VPS13B: variants seen among roughly 807,000 people sequenced by gnomAD.
VPS13B encodes vacuolar protein sorting 13 homolog B.
A neutral mutation model predicts 426.4 loss-of-function variants in VPS13B; 285 were observed. The observed-to-expected ratio is 0.67, with a 90% CI of 0.61 to 0.74. The LOEUF is 0.74. Ranked by LOEUF, VPS13B falls within the 30% of genes least tolerant of loss-of-function variation. The pLI is 0.00. For synonymous variants in VPS13B, 1,676 were observed against 1,676.4 expected (o/e 1.00, Z 0.01); for missense variants, 4,537 against 4,782.6 (o/e 0.95, Z 1.51).
chr8:99,578,834 A>G (rs74910682), intron 33 of VPS13B, among the ~76,000 whole-genome samples: 136 of 152,314 alleles, frequency 8.9e-4, no homozygotes, highest in Non-Finnish European at 1.1e-3. Flanking sequence ...TAGGATTCAC[A>G]TAACTTAGCA....
chr8:99,451,968 T>C (rs1688020199), intron 23 of VPS13B, among the ~76,000 whole-genome samples: 1 of 152,196 alleles, frequency 6.6e-6, no homozygotes. Context: ...AATTTGAAAT[T>C]CCTCTCCTTT....
chr8:99,819,706 T>C, intron 48 of VPS13B, 124 bp downstream of exon 48: 6 of 1,250,240 alleles, frequency 4.8e-6, no homozygotes, highest in Non-Finnish European at 6.7e-6. Flanking sequence ...CCTTTTATCA[T>C]CTAGTAGGTG....
chr8:99,122,879 G>A (rs532378699), intron 8 of VPS13B, among the ~76,000 whole-genome samples: 8 of 151,990 alleles, frequency 5.3e-5, no homozygotes, highest in Non-Finnish European at 8.8e-5. Context: ...TTGGGAGGCC[G>A]AGGCGGCCAG....
chr8:99,323,710 T>C (rs1810100920), intron 19 of VPS13B, among the ~76,000 whole-genome samples: 1 of 152,232 alleles, frequency 6.6e-6, no homozygotes, highest in Non-Finnish European at 1.5e-5. Context: ...GGCTACCAAG[T>C]ACACTTGAAA....
intron 19 of VPS13B, among the ~76,000 whole-genome samples, chr8:99,366,959 A>G (rs781407602): frequency 2.0e-5 from 3 of 152,120 alleles, no homozygotes; most frequent in Non-Finnish European, 4.4e-5. Flanking sequence ...TGTACTGTCA[A>G]TGTCTTGAAA....
At chr8:99,725,563 G>T (rs1833312082) in intron 39 of VPS13B, among the ~76,000 whole-genome samples, 1 of 152,128 alleles carries the variant, frequency 6.6e-6, no homozygotes, top group Admixed American at 6.5e-5. Flanking sequence ...TATGAAACCG[G>T]TCCCTGGTGC....
intron 3 of VPS13B, among the ~76,000 whole-genome samples, chr8:99,067,180 A>G (rs1325426272): frequency 6.6e-6 from 1 of 152,240 alleles, no homozygotes. Flanking sequence ...GCTGCTATAA[A>G]GACACATGCA....
At chr8:99,494,192 T>C (rs879666531) in intron 25 of VPS13B, among the ~76,000 whole-genome samples, 16 of 152,286 alleles carry the variant, frequency 1.1e-4, no homozygotes, top group Admixed American at 4.6e-4. Flanking sequence ...ATTTTATGTA[T>C]ACAGTTCTGT....
chr8:99,620,393 C>T (rs1470870234), intron 33 of VPS13B, among the ~76,000 whole-genome samples: 1 of 152,026 alleles, frequency 6.6e-6, no homozygotes, highest in Non-Finnish European at 1.5e-5. Context: ...AACTCCTTGG[C>T]CTTAACTTTT....
At chr8:99,702,326 G>C (rs2130200448) in intron 36 of VPS13B, among the ~76,000 whole-genome samples, 1 of 152,200 alleles carries the variant, frequency 6.6e-6, no homozygotes. Flanking sequence ...CTGTGTCTTT[G>C]ATTTTACAGT....
intron 23 of VPS13B, among the ~76,000 whole-genome samples, chr8:99,464,162 C>T (rs1428864730): frequency 2.6e-5 from 4 of 152,054 alleles, no homozygotes; most frequent in African/African-American, 9.7e-5. Context: ...TACAGACCTG[C>T]CTGAGTCATA....
At chr8:99,660,704 C>T (rs962527096) in intron 34 of VPS13B, among the ~76,000 whole-genome samples, 13 of 151,630 alleles carry the variant, frequency 8.6e-5, no homozygotes, top group African/African-American at 2.9e-4. Context: ...CAATATTACC[C>T]AGAAAATTTT....
At chr8:99,738,584 G>A (rs548185255) in intron 39 of VPS13B, among the ~76,000 whole-genome samples, 5 of 152,258 alleles carry the variant, frequency 3.3e-5, no homozygotes, top group Admixed American at 1.3e-4. Context: ...AAGAATCAAC[G>A]TTTTCACAGT....
intron 19 of VPS13B, among the ~76,000 whole-genome samples, chr8:99,383,783 A>G (rs188462427): frequency 1.3e-5 from 2 of 152,320 alleles, no homozygotes; most frequent in Non-Finnish European, 2.9e-5. Flanking sequence ...GTGCTGTAGC[A>G]TGTATCAGTA....
chr8:99,312,446 A>G (rs1456401077), intron 19 of VPS13B, among the ~76,000 whole-genome samples: 1 of 152,214 alleles, frequency 6.6e-6, no homozygotes, highest in African/African-American at 2.4e-5. Flanking sequence ...TTGGCTGAAT[A>G]TGAAATTCTG....
At chr8:99,763,135 C>CAAAAAAAAAAAAAAAA (rs750289763) in intron 39 of VPS13B, among the ~76,000 whole-genome samples, 4 of 35,840 alleles carry the variant, frequency 1.1e-4, no homozygotes, top group African/African-American at 4.2e-4. Flanking sequence ...GACCTTGTCT[C>CAAAAAAAAAAAAAAAA]AAAAAAAAAA....
intron 43 of VPS13B, among the ~76,000 whole-genome samples, chr8:99,801,979 A>G (rs917236672): frequency 3.9e-5 from 6 of 152,038 alleles, no homozygotes; most frequent in Non-Finnish European, 5.9e-5. Context: ...GCAAAACACT[A>G]TCTCTACAAA....
intron 55 of VPS13B, among the ~76,000 whole-genome samples, chr8:99,850,248 TATAC>T (rs1167199992): frequency 4.9e-4 from 68 of 138,666 alleles, no homozygotes; most frequent in East Asian, 1.3e-3. Flanking sequence ...TGTATGTACT[TATAC>T]ATACATACAT....
At chr8:99,216,756 T>C (rs1815412450) in intron 17 of VPS13B, among the ~76,000 whole-genome samples, 1 of 152,018 alleles carries the variant, frequency 6.6e-6, no homozygotes, top group East Asian at 1.9e-4. Flanking sequence ...ATGTAAAGTA[T>C]CTTAATTTCA....
Sources: gnomAD v4.1 joint callset for allele counts (sites outside exome capture counted in the v4.1 genomes callset) on GRCh38, gnomAD v4.1.1 for gene constraint, MANE v1.5 for transcripts, NCBI Gene and HGNC (gene_info 2026-07-23, HGNC 2026-07-21) for gene names.